Variants in PDE1C observed in about 807,000 individuals in gnomAD.
The protein encoded by PDE1C is dual specificity calcium/calmodulin-dependent 3',5'-cyclic nucleotide phosphodiesterase 1C.
A neutral mutation model predicts 93.1 loss-of-function variants in PDE1C; 62 were observed. The observed-to-expected ratio is 0.67, with a 90% confidence interval of 0.54 to 0.82. PDE1C has a LOEUF of 0.82. Among genes scored for constraint, PDE1C ranks in the 40% least tolerant of loss-of-function variants. PDE1C has a pLI of 0.00. For missense variants in PDE1C, 742 were observed against 884.6 expected (o/e 0.84, Z 2.04); for synonymous variants, 325 against 310.1 (o/e 1.05, Z -0.50).
the PDE1C span, among the ~76,000 whole-genome samples, chr7:31,691,762 CTT>C: frequency 8.0e-6 from 1 of 124,426 alleles, no homozygotes; most frequent in Non-Finnish European, 1.6e-5. Context: ...GAGGTAGTCT[CTT>C]TACTTTATAC....
intron 3 of PDE1C, among the ~76,000 whole-genome samples, chr7:32,120,863 C>A (rs1799263228): frequency 2.0e-5 from 3 of 152,124 alleles, no homozygotes; most frequent in Non-Finnish European, 4.4e-5. Flanking sequence ...GGGTTCAGAG[C>A]TGAACTGGGG....
the PDE1C span, among the ~76,000 whole-genome samples, chr7:31,665,962 T>C: frequency 6.6e-6 from 1 of 152,202 alleles, no homozygotes; most frequent in African/African-American, 2.4e-5. Flanking sequence ...TGCACTATTG[T>C]TTCTGGTGGA....
chr7:32,189,408 C>T (rs530421972), intron 2 of PDE1C, among the ~76,000 whole-genome samples: 5 of 152,256 alleles, frequency 3.3e-5, no homozygotes, highest in African/African-American at 1.2e-4. Context: ...TTCACTAATT[C>T]AGACACTGCC....
intron 2 of PDE1C, among the ~76,000 whole-genome samples, chr7:32,040,382 T>C (rs923900220): frequency 6.6e-6 from 1 of 152,212 alleles, no homozygotes; most frequent in African/African-American, 2.4e-5. Flanking sequence ...CCATGTACTA[T>C]AGGCTATTTA....
chr7:32,408,652 G>C (rs1785106364), intron 1 of PDE1C, among the ~76,000 whole-genome samples: 1 of 152,158 alleles, frequency 6.6e-6, no homozygotes, highest in Non-Finnish European at 1.5e-5. Context: ...AGCCAGGCAT[G>C]GTAGTGGGTG....
chr7:31,658,615 C>T, the PDE1C span: 23 of 273,344 alleles, frequency 8.4e-5, no homozygotes, highest in Non-Finnish European at 1.3e-4. Flanking sequence ...TTATTAAAAG[C>T]CTTGTTAAAT....
At chr7:32,377,001 A>T (rs1784444074) in intron 1 of PDE1C, among the ~76,000 whole-genome samples, 1 of 151,868 alleles carries the variant, frequency 6.6e-6, no homozygotes, top group Non-Finnish European at 1.5e-5. Flanking sequence ...TCCCCTTTCT[A>T]AAGATCCAGT....
intron 1 of PDE1C, among the ~76,000 whole-genome samples, chr7:32,364,814 C>G (rs1225642861): frequency 6.6e-6 from 1 of 152,210 alleles, no homozygotes; most frequent in East Asian, 1.9e-4. Flanking sequence ...TATACCAATC[C>G]CACACTGGTA....
At chr7:32,160,977 CG>C (rs1562535156) in intron 3 of PDE1C, among the ~76,000 whole-genome samples, 2 of 152,120 alleles carry the variant, frequency 1.3e-5, no homozygotes, top group Non-Finnish European at 2.9e-5. Context: ...CTCTTGCTGC[CG>C]TCTCTCCCAA....
At chr7:32,066,040 G>A (rs1444001648) in intron 1 of PDE1C, among the ~76,000 whole-genome samples, 1 of 152,166 alleles carries the variant, frequency 6.6e-6, no homozygotes, top group Non-Finnish European at 1.5e-5. Context: ...TATCATAAAA[G>A]GTCTTCTCTA....
chr7:31,633,280 G>A, the PDE1C span, among the ~76,000 whole-genome samples: 1 of 152,188 alleles, frequency 6.6e-6, no homozygotes, highest in Non-Finnish European at 1.5e-5. Flanking sequence ...CTACTCCAAG[G>A]AGCAGAGCTA....
At chr7:32,269,543 A>T (rs1417756575) in intron 1 of PDE1C, among the ~76,000 whole-genome samples, 2 of 152,070 alleles carry the variant, frequency 1.3e-5, no homozygotes, top group African/African-American at 2.4e-5. Flanking sequence ...TCAGTGGCAC[A>T]GTCTCGGCTC....
the PDE1C span, among the ~76,000 whole-genome samples, chr7:31,693,530 G>T: frequency 6.6e-6 from 1 of 152,170 alleles, no homozygotes; most frequent in East Asian, 1.9e-4. Flanking sequence ...GGCTTTCTGA[G>T]CCTCAGTTTC....
chr7:32,049,399 GTTGTT>G (rs929781259), intron 2 of PDE1C, among the ~76,000 whole-genome samples: 6 of 152,036 alleles, frequency 3.9e-5, no homozygotes, highest in South Asian at 2.1e-4. Context: ...TGTTGTTGTT[GTTGTT>G]TTGTTTTGTT....
chr7:32,100,767 T>C (rs1249316345), intron 3 of PDE1C, among the ~76,000 whole-genome samples: 3 of 152,184 alleles, frequency 2.0e-5, no homozygotes, highest in Non-Finnish European at 4.4e-5. Context: ...CTCCTGAATT[T>C]CTCTTTGATG....
chr7:32,064,719 G>T (rs1795181783), intron 1 of PDE1C, among the ~76,000 whole-genome samples: 1 of 152,000 alleles, frequency 6.6e-6, no homozygotes, highest in Non-Finnish European at 1.5e-5. Flanking sequence ...AGATATGAAA[G>T]AACACCTAGA....
At chr7:31,643,952 C>A in the PDE1C span, 311 of 1,603,602 alleles carry the variant, frequency 1.9e-4, 2 homozygotes, top group African/African-American at 3.9e-3. Flanking sequence ...GAGCTATGTT[C>A]CGTAAGTGTT....
chr7:32,107,049 A>T (rs562633982), intron 3 of PDE1C, among the ~76,000 whole-genome samples: 52 of 151,926 alleles, frequency 3.4e-4, no homozygotes, highest in African/African-American at 1.0e-3. Flanking sequence ...ATGAAAAATG[A>T]CTTTGGTGGA....
chr7:31,741,491 T>G, the PDE1C span, among the ~76,000 whole-genome samples: 1 of 152,238 alleles, frequency 6.6e-6, no homozygotes, highest in East Asian at 1.9e-4. Flanking sequence ...AATTGTTACA[T>G]TATTTCACTT....
Sources: allele counts gnomAD v4.1 joint callset (sites outside exome capture counted in the v4.1 genomes callset), GRCh38; gene constraint gnomAD v4.1.1; transcripts MANE v1.5; gene names NCBI Gene and HGNC (gene_info 2026-07-23, HGNC 2026-07-21).